Variants in PPP2R2C observed in about 807,000 individuals in gnomAD.
PPP2R2C encodes protein phosphatase 2, regulatory subunit B, gamma.
A neutral mutation model predicts 45.3 loss-of-function variants in PPP2R2C; 10 were observed. That is an observed-to-expected ratio of 0.22 (90% CI 0.14 to 0.37). PPP2R2C has a LOEUF of 0.37. PPP2R2C is among the 10% of genes least tolerant of loss of function. PPP2R2C has a pLI of 1.00. For synonymous variants in PPP2R2C, 257 were observed against 245.4 expected (o/e 1.05, Z -0.44); for missense variants, 308 against 619.7 (o/e 0.50, Z 5.34).
intron 6 of PPP2R2C, among the ~76,000 whole-genome samples, chr4:6,346,960 G>T (rs955063460): frequency 2.0e-5 from 3 of 152,198 alleles, no homozygotes; most frequent in Non-Finnish European, 2.9e-5. Context: ...CTGCCTGGGG[G>T]ACACCCCACC....
intron 1 of PPP2R2C, among the ~76,000 whole-genome samples, chr4:6,443,369 G>C (rs1009156540): frequency 6.6e-6 from 1 of 152,260 alleles, no homozygotes; most frequent in African/African-American, 2.4e-5. Flanking sequence ...GATACACACA[G>C]GGTGCGCTCC....
At chr4:6,450,039 C>T (rs1410240313) in intron 1 of PPP2R2C, among the ~76,000 whole-genome samples, 1 of 152,218 alleles carries the variant, frequency 6.6e-6, no homozygotes, top group African/African-American at 2.4e-5. Flanking sequence ...TCCTAGATAG[C>T]TTTGCGGGTT....
At chr4:6,549,028 T>C (rs1163697629) in intron 1 of PPP2R2C, among the ~76,000 whole-genome samples, 1 of 152,218 alleles carries the variant, frequency 6.6e-6, no homozygotes, top group African/African-American at 2.4e-5. Flanking sequence ...CCCCATTGGC[T>C]CAGTTCCTCC....
chr4:6,445,068 A>T (rs1022466851), intron 1 of PPP2R2C, among the ~76,000 whole-genome samples: 2 of 152,168 alleles, frequency 1.3e-5, no homozygotes, highest in African/African-American at 4.8e-5. Context: ...GCCTGCCTGT[A>T]GTCCCAGCTA....
intron 1 of PPP2R2C, among the ~76,000 whole-genome samples, chr4:6,394,871 A>G (rs1037778157): frequency 4.6e-5 from 7 of 152,352 alleles, no homozygotes; most frequent in African/African-American, 1.7e-4. Flanking sequence ...CAGCGTGTCC[A>G]TCAGCCCCCT....
intron 1 of PPP2R2C, among the ~76,000 whole-genome samples, chr4:6,459,761 T>C (rs1193297179): frequency 6.6e-6 from 1 of 152,078 alleles, no homozygotes; most frequent in Middle Eastern, 3.2e-3. Flanking sequence ...CACTCCAGCC[T>C]GACCAACAGA....
intron 1 of PPP2R2C, among the ~76,000 whole-genome samples, chr4:6,418,011 G>T (rs531894935): frequency 6.6e-6 from 1 of 152,332 alleles, no homozygotes; most frequent in South Asian, 2.1e-4. Context: ...AAGGGAAGGA[G>T]GGGGTGGGGA....
At chr4:6,431,566 G>C (rs769434185) in intron 1 of PPP2R2C, among the ~76,000 whole-genome samples, 3 of 152,196 alleles carry the variant, frequency 2.0e-5, no homozygotes, top group African/African-American at 7.2e-5. Context: ...AAGCTGTGGA[G>C]GGGACATGGT....
At chr4:6,542,905 T>A (rs950233178) in intron 1 of PPP2R2C, among the ~76,000 whole-genome samples, 1 of 152,182 alleles carries the variant, frequency 6.6e-6, no homozygotes, top group Non-Finnish European at 1.5e-5. Flanking sequence ...TCAGGATTCA[T>A]GTGCAGAATA....
At chr4:6,480,054 T>C (rs4331842) in intron 2 of PPP2R2C, among the ~76,000 whole-genome samples, 95,507 of 151,810 alleles carry the variant, frequency 0.63, 30,960 homozygotes, top group Non-Finnish European at 0.7. Context: ...CACAGAGATA[T>C]GGCTGAAGTT....
intron 2 of PPP2R2C, among the ~76,000 whole-genome samples, chr4:6,531,638 A>C (rs1407911850): frequency 6.6e-6 from 1 of 151,320 alleles, no homozygotes; most frequent in Admixed American, 6.6e-5. Flanking sequence ...AAGATCCTGC[A>C]GGCTGTTTGC....
chr4:6,335,107 A>G (rs1381928842), intron 6 of PPP2R2C, among the ~76,000 whole-genome samples: 2 of 152,170 alleles, frequency 1.3e-5, no homozygotes, highest in African/African-American at 4.8e-5. Flanking sequence ...TCAGTCAACC[A>G]ATGCAAACAG....
At chr4:6,522,560 C>T (rs976579962) in intron 2 of PPP2R2C, among the ~76,000 whole-genome samples, 13 of 152,254 alleles carry the variant, frequency 8.5e-5, no homozygotes, top group African/African-American at 2.9e-4. Context: ...AGGGCTGGGG[C>T]CCCCGGAGTC....
chr4:6,352,957 G>A (rs561876417), intron 5 of PPP2R2C, among the ~76,000 whole-genome samples: 1 of 152,258 alleles, frequency 6.6e-6, no homozygotes, highest in African/African-American at 2.4e-5. Context: ...CACCAGAGGA[G>A]AAGGCCATGT....
chr4:6,423,328 C>T (rs572048855), intron 1 of PPP2R2C, among the ~76,000 whole-genome samples: 21 of 152,316 alleles, frequency 1.4e-4, no homozygotes, highest in African/African-American at 4.8e-4. Flanking sequence ...CTCAGCCTCC[C>T]AAGTAGCTGG....
At chr4:6,382,088 T>G in intron 1 of PPP2R2C, 1 of 1,360,114 alleles carries the variant, frequency 7.4e-7, no homozygotes, top group Non-Finnish European at 9.5e-7. Context: ...AGCCCCAAAA[T>G]GATTATTACT....
intron 1 of PPP2R2C, among the ~76,000 whole-genome samples, chr4:6,406,896 A>T (rs1346142536): frequency 1.3e-5 from 2 of 152,258 alleles, no homozygotes; most frequent in African/African-American, 2.4e-5. Flanking sequence ...AGATGAGAAG[A>T]TCATTCTGAA....
chr4:6,505,135 G>A (rs545182971), intron 2 of PPP2R2C, among the ~76,000 whole-genome samples: 27 of 151,386 alleles, frequency 1.8e-4, no homozygotes, highest in East Asian at 2.0e-4. Flanking sequence ...GCCAGAAGGC[G>A]GTGGGATGAC....
intron 2 of PPP2R2C, among the ~76,000 whole-genome samples, chr4:6,478,995 A>T (rs10003308): frequency 6.6e-6 from 1 of 152,086 alleles, no homozygotes; most frequent in African/African-American, 2.4e-5. Context: ...GAGGGCACTG[A>T]GGGTCACATG....
Sources: allele counts gnomAD v4.1 joint callset (sites outside exome capture counted in the v4.1 genomes callset), GRCh38; gene constraint gnomAD v4.1.1; transcripts MANE v1.5; gene names NCBI Gene and HGNC (gene_info 2026-07-23, HGNC 2026-07-21).